Variants in DNA2 observed in about 807,000 individuals in gnomAD.
The protein encoded by DNA2 is DNA replication ATP-dependent helicase/nuclease DNA2.
A neutral mutation model predicts 119.1 loss-of-function variants in DNA2; 101 were observed. That is an observed-to-expected ratio of 0.85 (90% CI 0.72 to 1.00). The LOEUF (loss-of-function observed/expected upper bound fraction) is 1.00, where lower values mean the gene tolerates loss of function less well. Among genes scored for constraint, DNA2 ranks in the 50% least tolerant of loss-of-function variants. The probability of loss-of-function intolerance (pLI) is 0.00; values close to 1 mark genes in which losing one functional copy is unlikely to be tolerated. For synonymous variants in DNA2, 366 were observed against 424.4 expected (o/e 0.86, Z 1.69); for missense variants, 1,121 against 1,255.5 (o/e 0.89, Z 1.62).
chr10:68,432,691 AG>A (rs2051838799), intron 10 of DNA2, among the ~76,000 whole-genome samples, 181 bp from the exon 11 acceptor site: 1 of 152,178 alleles, frequency 6.6e-6, no homozygotes, highest in Admixed American at 6.5e-5. Context: ...GAAAAGGCAG[AG>A]GGAAGGGGAA....
In DNA2 at chr10:68,437,465, T is replaced by C. The variant is rs10823196; in HGVS notation, c.1416-224A>G. Among the ~76,000 whole-genome samples the C allele has an allele frequency of 1, 150,318 of 150,830 alleles. 74,906 individuals are homozygous for C. The highest frequency in any genetic ancestry group is 1 in the East Asian group (5,122 of 5,122). ...AGCCTGGCCAACATGGTGAAAACCC[T>C]ATCTCTACTAAAAAAAAAAAAATAA... On this transcript the variant is annotated intron_variant, in intron 9 of 20. Transcript: ENST00000358410.
chr10:68,462,338 T>C (rs1189483556), intron 4 of DNA2, among the ~76,000 whole-genome samples: 2 of 152,164 alleles, frequency 1.3e-5, no homozygotes, highest in Admixed American at 1.3e-4. Flanking sequence ...GCCATTGCAA[T>C]CCAGCCTGGG....
Position 68,460,030 on chromosome 10 carries a change from T to TACAAACACACACAC in DNA2, c.588-796_588-795insGTGTGTGTGTTTGT, listed in dbSNP as rs1554909244. ...CAAGAGAGCAAGACTCCATCACAAA[T>TACAAACACACACAC]ACACACACACACACACACACACACA... On this transcript the variant is annotated intron_variant, in intron 4 of 20. Coordinates refer to ENST00000358410, the MANE Select transcript of DNA2 (RefSeq NM_001080449.3). 9.1e-3 allele frequency among the ~76,000 whole-genome samples: 1,321 copies of TACAAACACACACAC among 145,680 alleles called. 24 individuals are homozygous for TACAAACACACACAC. The highest frequency in any genetic ancestry group is 0.032 in the African/African-American group (1,255 of 39,332).
intron 14 of DNA2, chr10:68,424,713 G>C: frequency 6.2e-7 from 1 of 1,601,920 alleles, no homozygotes; most frequent in Non-Finnish European, 8.5e-7. Context: ...CATCCGCAAG[G>C]ACGACGAGGT....
chr10:68,438,076 C>T (rs182510339), intron 9 of DNA2, among the ~76,000 whole-genome samples: 2 of 152,244 alleles, frequency 1.3e-5, no homozygotes, highest in African/African-American at 2.4e-5. Flanking sequence ...GATCGCCCCA[C>T]CCTTGTTGCA....
rs763025248 is a variant in DNA2, at chr10:68,468,294, T to C, written c.270A>G (p.Pro90=). ...AATGAATGATATCTCCTGGCTCTAC[T>C]GGAACAGAACACCTGAAAATAAAGC... The part of the protein sequence containing the change: ...CILRNDWCSV[P]VEPGDIIHLE... The change falls in exon 3 of 21, where the codon CCA becomes CCG. Residue 90 remains proline (P), a synonymous_variant. Coordinates refer to ENST00000358410, the MANE Select transcript of DNA2 (RefSeq NM_001080449.3). The C allele has an allele frequency of 1.9e-6, 3 of 1,589,536 alleles. No homozygotes were observed. Among genetic ancestry groups the C allele is most frequent in the South Asian group, 1.2e-5 (1 of 84,642 alleles).
chr10:68,453,755 G>A (rs1013622834), intron 5 of DNA2, among the ~76,000 whole-genome samples: 3 of 152,138 alleles, frequency 2.0e-5, no homozygotes, highest in Admixed American at 6.6e-5. Flanking sequence ...TAGAGGCAAC[G>A]GGCTATACCA....
In DNA2 at chr10:68,471,944, A is replaced by C. The variant is rs1535539; in HGVS notation, c.-80T>G. 2 of 1,612,888 alleles carry C rather than the reference A, an allele frequency of 1.2e-6. No homozygotes were observed. On this transcript the variant is annotated 5_prime_UTR_variant, in exon 1 of 21. Coordinates refer to ENST00000358410, the MANE Select transcript of DNA2 (RefSeq NM_001080449.3). ...ACACAGAAAGCTTAGAAAAGGGAAA[A>C]AGGCGCGAGCCTGCGCACCTCGCGC...
chr10:68,429,428 C>T (rs946038035), intron 14 of DNA2, among the ~76,000 whole-genome samples: 1 of 151,456 alleles, frequency 6.6e-6, no homozygotes, highest in Non-Finnish European at 1.5e-5. Context: ...CCTGTAATCC[C>T]AGCTACTTAG....
intron 17 of DNA2, among the ~76,000 whole-genome samples, chr10:68,420,723 A>T (rs2051653520): frequency 6.9e-6 from 1 of 144,370 alleles, no homozygotes. Context: ...TTTCTGAGAC[A>T]CCAGGAGATT....
At chr10:68,469,484 T>C (rs560329373) in intron 2 of DNA2, among the ~76,000 whole-genome samples, 1 of 152,018 alleles carries the variant, frequency 6.6e-6, no homozygotes, top group South Asian at 2.1e-4. Flanking sequence ...TTTTTTGAGA[T>C]GAAGTTTCGC....
chr10:68,470,233 T>C lies in DNA2; in HGVS notation c.75-70A>G, dbSNP rs907797962. On this transcript the variant is annotated intron_variant, in intron 1 of 20. Transcript: ENST00000358410. The stretch of plus-strand genomic sequence containing the variant: ...AAGAAGCCATCCAATATGTTTTATC[T>C]ACAAACCAATCTTCCAGTTTTCTAG... 15 of 1,316,510 alleles carry C rather than the reference T, an allele frequency of 1.1e-5. No individual in the cohort carries two copies. In the African/African-American group the frequency reaches 1.9e-4, roughly 17 times the overall value. 81.6% of individuals were successfully genotyped at this position (1,316,510 alleles called of 1,614,324 possible).
intron 4 of DNA2, among the ~76,000 whole-genome samples, chr10:68,460,030 TACACAC>T (rs150226727): frequency 6.9e-6 from 1 of 145,602 alleles, no homozygotes; most frequent in Non-Finnish European, 1.5e-5. Flanking sequence ...CCATCACAAA[TACACAC>T]ACACACACAC....
chr10:68,471,808 C>T lies in DNA2; in HGVS notation c.57G>A (p.Ala19=). ...LLMEKSFWEE[A]ELPAELFQKK... ...CCGCTCACAGCTCCGCCGGCAGCTCCGCCTCCTCCCAAAAACTCTTCTCCA... is the reference window on the plus strand; with the variant it reads ...CCGCTCACAGCTCCGCCGGCAGCTCTGCCTCCTCCCAAAAACTCTTCTCCA... The change falls in exon 1 of 21, where the codon GCG becomes GCA. Residue 19 remains alanine, a synonymous_variant. Transcript: ENST00000358410. The T allele has an allele frequency of 6.2e-7, 1 of 1,605,110 alleles. No individual in the cohort carries two copies. Among genetic ancestry groups the T allele is most frequent in the Middle Eastern group, 1.7e-4 (1 of 6,012 alleles).
intron 4 of DNA2, among the ~76,000 whole-genome samples, chr10:68,462,319 C>T (rs1037385763): frequency 2.6e-5 from 4 of 151,766 alleles, no homozygotes; most frequent in Non-Finnish European, 2.9e-5. Flanking sequence ...TGCAGTGAGC[C>T]GAGGTCATGC....
intron 5 of DNA2, among the ~76,000 whole-genome samples, chr10:68,458,690 A>C (rs2133430184): frequency 6.6e-6 from 1 of 151,336 alleles, no homozygotes; most frequent in African/African-American, 2.4e-5. Context: ...CTCTACTAAA[A>C]ATACAAAATT....
At chr10:68,460,561 C>A (rs192914731) in intron 4 of DNA2, among the ~76,000 whole-genome samples, 48 of 151,578 alleles carry the variant, frequency 3.2e-4, no homozygotes, top group Middle Eastern at 6.8e-3. Context: ...ACATATGACA[C>A]CACGCCCAGC....
At chr10:68,431,599 T>C (rs2051822436) in intron 13 of DNA2, among the ~76,000 whole-genome samples, 2 of 152,304 alleles carry the variant, frequency 1.3e-5, no homozygotes, top group South Asian at 4.1e-4. Flanking sequence ...ACATCATCTT[T>C]AAAGGGAAAG....
chr10:68,440,391 G>C (rs1460272561), intron 9 of DNA2, among the ~76,000 whole-genome samples: 1 of 151,946 alleles, frequency 6.6e-6, no homozygotes, highest in African/African-American at 2.4e-5. Flanking sequence ...TCTGCCTCCC[G>C]GGTTCATGGG....
Sources: allele counts gnomAD v4.1 joint callset (sites outside exome capture counted in the v4.1 genomes callset), GRCh38; gene constraint gnomAD v4.1.1; transcripts MANE v1.5; gene names NCBI Gene and HGNC (gene_info 2026-07-23, HGNC 2026-07-21).